The following IMMP2L variants were observed in gnomAD, a reference collection of about 807,000 sequenced individuals.
IMMP2L encodes the protein inner mitochondrial membrane peptidase subunit 2.
In IMMP2L, 18 loss-of-function variants were observed where a neutral mutation model predicts 19.3. The ratio of observed to expected loss-of-function variants is 0.93; its 90% CI spans 0.64 to 1.38. The LOEUF (loss-of-function observed/expected upper bound fraction) is 1.38, where lower values mean the gene tolerates loss of function less well. Among genes scored for constraint, IMMP2L ranks in the 40% most tolerant of loss-of-function variants. IMMP2L has a pLI of 0.00. For synonymous variants in IMMP2L, 76 were observed against 73.0 expected (o/e 1.04, Z -0.21); for missense variants, 233 against 218.2 (o/e 1.07, Z -0.43).
intron 3 of IMMP2L, among the ~76,000 whole-genome samples, chr7:111,151,482 C>G (rs1008518715): frequency 2.0e-5 from 3 of 152,068 alleles, no homozygotes; most frequent in Admixed American, 2.0e-4. Flanking sequence ...CAGAACGAGA[C>G]AGAGACATAA....
At chr7:111,203,924 G>C (rs1472080082) in intron 3 of IMMP2L, among the ~76,000 whole-genome samples, 1 of 151,884 alleles carries the variant, frequency 6.6e-6, no homozygotes, top group East Asian at 1.9e-4. Flanking sequence ...AATTTTCTTA[G>C]GAATAGTTTA....
intron 3 of IMMP2L, among the ~76,000 whole-genome samples, chr7:111,052,611 C>T (rs1487489039): frequency 6.6e-6 from 1 of 152,124 alleles, no homozygotes; most frequent in Non-Finnish European, 1.5e-5. Context: ...CTCCCTAAAA[C>T]GTATAAAGCC....
chr7:111,260,540 A>G (rs2129755217), intron 3 of IMMP2L, among the ~76,000 whole-genome samples: 1 of 152,270 alleles, frequency 6.6e-6, no homozygotes, highest in South Asian at 2.1e-4. Context: ...GTTAACTAAA[A>G]CAACAAAGTA....
At chr7:110,911,496 TC>T (rs1346128642) in intron 4 of IMMP2L, among the ~76,000 whole-genome samples, 1 of 152,160 alleles carries the variant, frequency 6.6e-6, no homozygotes, top group African/African-American at 2.4e-5. Flanking sequence ...AAATGGCTTG[TC>T]TTTGTTTAAA....
intron 3 of IMMP2L, among the ~76,000 whole-genome samples, chr7:111,278,368 C>T (rs1287582978): frequency 6.6e-6 from 1 of 152,110 alleles, no homozygotes; most frequent in Non-Finnish European, 1.5e-5. Flanking sequence ...AGTGAACTAG[C>T]CTGGGGGCTC....
rs59156229 is a variant in IMMP2L at position 111,301,921 on chromosome 7, TAAAAAAAAAAAAA to T, written c.239+185304_239+185316del. On this transcript the variant is annotated intron_variant, in intron 3 of 5. Coordinates refer to ENST00000405709, the MANE Select transcript of IMMP2L (RefSeq NM_032549.4). ...ATTACGCCATGTCAGTTTCATGCTT[TAAAAAAAAAAAAA>T]AAAAAAAAAAAAAAAAACCTTAAGA... Among the ~76,000 whole-genome samples the T allele has an allele frequency of 1.7e-3, 139 of 83,154 alleles. 1 individual carries two copies. Among genetic ancestry groups the T allele is most frequent in the Non-Finnish European group, 2.1e-3 (97 of 46,866 alleles). 54.6% of individuals were successfully genotyped at this position (83,154 alleles called of 152,430 possible). A position where few individuals can be genotyped will look rare whatever the true frequency, so the allele number is the denominator to read the frequency against.
intron 1 of IMMP2L, among the ~76,000 whole-genome samples, chr7:111,538,859 G>A (rs1248178541): frequency 8.8e-5 from 13 of 148,066 alleles, no homozygotes; most frequent in Admixed American, 6.1e-4. Context: ...AGTGGCTCAC[G>A]GCTGTAATCC....
At chr7:111,485,508 G>A (rs1461226964) in intron 3 of IMMP2L, among the ~76,000 whole-genome samples, 1 of 138,124 alleles carries the variant, frequency 7.2e-6, no homozygotes, top group Non-Finnish European at 1.5e-5. Context: ...TGAAGCAGGA[G>A]AATGGCCTGA....
rs1473644292 is a variant in IMMP2L at position 110,985,574 on chromosome 7, AAAGT to A, written c.240-22013_240-22010del. 8.5e-5 allele frequency among the ~76,000 whole-genome samples: 13 copies of A among 152,290 alleles called. No individual in the cohort carries two copies. In the South Asian group the frequency reaches 2.7e-3, roughly 32 times the overall value. On this transcript the variant is annotated intron_variant, in intron 3 of 5. Transcript: ENST00000405709. The stretch of plus-strand genomic sequence containing the variant: ...ATGATATTACCATGACAATATAAAT[AAAGT>A]ATGTTAGTCAAGTTTAAAACTACTT...
intron 3 of IMMP2L, among the ~76,000 whole-genome samples, chr7:110,990,760 C>T (rs1160087108): frequency 6.6e-6 from 1 of 152,102 alleles, no homozygotes; most frequent in East Asian, 1.9e-4. Context: ...AAAACACAAA[C>T]CTGGGAACAC....
chr7:111,478,416 G>A (rs951276240), intron 3 of IMMP2L, among the ~76,000 whole-genome samples: 22 of 152,052 alleles, frequency 1.4e-4, no homozygotes, highest in African/African-American at 5.3e-4. Flanking sequence ...TTTGGAGAGA[G>A]GGTCTTACTC....
At chr7:111,287,412 C>T (rs1820610610) in intron 3 of IMMP2L, among the ~76,000 whole-genome samples, 1 of 152,024 alleles carries the variant, frequency 6.6e-6, no homozygotes, top group Non-Finnish European at 1.5e-5. Context: ...TACGTAAAGC[C>T]ACCATAAAGG....
At chr7:111,148,614 G>A in intron 3 of IMMP2L, among the ~76,000 whole-genome samples, 1 of 151,934 alleles carries the variant, frequency 6.6e-6, no homozygotes, top group East Asian at 1.9e-4. Context: ...ATTAAGGTGA[G>A]ATTATTGCAA....
At chr7:111,237,167 C>A (rs1030555942) in intron 3 of IMMP2L, among the ~76,000 whole-genome samples, 1 of 152,098 alleles carries the variant, frequency 6.6e-6, no homozygotes, top group Non-Finnish European at 1.5e-5. Flanking sequence ...TAATGTCTCA[C>A]ACATAGAAGG....
In IMMP2L at chr7:110,942,594, A is replaced by G. The variant is rs1303003704; in HGVS notation, c.305+20906T>C. Reference sequence around the variant, plus strand: ...AAAGGCAAGGGGTGAGGAATGAATAATCTTCCAACAGACAAACACTGACAG... The same window carrying G: ...AAAGGCAAGGGGTGAGGAATGAATAGTCTTCCAACAGACAAACACTGACAG... On this transcript the variant is annotated intron_variant, in intron 4 of 5. Transcript: ENST00000405709. 3.9e-5 allele frequency among the ~76,000 whole-genome samples: 6 copies of G among 152,054 alleles called. 1 individual carries two copies. In the Middle Eastern group the frequency reaches 0.01, roughly 259 times the overall value.
chr7:110,716,228 A>G lies in IMMP2L; in HGVS notation c.409-52507T>C, dbSNP rs372763710. ...TGGGTCTCTTGAAGAGAGGGGATGGATGGTTTTTCTTTTCTAATTCAACCT... is the reference window on the plus strand; with the variant it reads ...TGGGTCTCTTGAAGAGAGGGGATGGGTGGTTTTTCTTTTCTAATTCAACCT... On this transcript the variant is annotated intron_variant, in intron 5 of 5. Coordinates refer to ENST00000405709, the MANE Select transcript of IMMP2L (RefSeq NM_032549.4). Among the ~76,000 whole-genome samples, 32 of 151,918 alleles carry G rather than the reference A, an allele frequency of 2.1e-4. 1 individual carries two copies. In the East Asian group the frequency reaches 3.5e-3, roughly 17 times the overall value.
At chr7:111,037,787 C>G (rs1791492641) in intron 3 of IMMP2L, among the ~76,000 whole-genome samples, 2 of 152,010 alleles carry the variant, frequency 1.3e-5, no homozygotes, top group African/African-American at 4.8e-5. Context: ...TAATTATGTA[C>G]AATTGCTTCT....
chr7:111,036,181 T>TAAGC (rs1791333709), intron 3 of IMMP2L, among the ~76,000 whole-genome samples: 2 of 152,184 alleles, frequency 1.3e-5, no homozygotes, highest in African/African-American at 2.4e-5. Flanking sequence ...TCTCTAGATC[T>TAAGC]AGTTCACTGC....
At chr7:111,549,222 C>A (rs2133067351) in intron 1 of IMMP2L, among the ~76,000 whole-genome samples, 1 of 152,234 alleles carries the variant, frequency 6.6e-6, no homozygotes, top group African/African-American at 2.4e-5. Flanking sequence ...ATGATAGTAA[C>A]CAAGTCTGAC....
Sources: gnomAD v4.1 joint callset for allele counts (sites outside exome capture counted in the v4.1 genomes callset) on GRCh38, gnomAD v4.1.1 for gene constraint, MANE v1.5 for transcripts, NCBI Gene and HGNC (gene_info 2026-07-23, HGNC 2026-07-21) for gene names.